The following FBXL17 variants were observed in gnomAD, a reference collection of about 807,000 sequenced individuals.
The protein encoded by FBXL17 is F-box/LRR-repeat protein 17.
In FBXL17, 22 loss-of-function variants were observed where a neutral mutation model predicts 66.2. That is an observed-to-expected ratio of 0.33 (90% CI 0.24 to 0.47). FBXL17 has a LOEUF of 0.47. Among genes scored for constraint, FBXL17 ranks in the 20% least tolerant of loss-of-function variants. The pLI is 1.00. For synonymous variants in FBXL17, 474 were observed against 400.5 expected (o/e 1.18, Z -2.19); for missense variants, 878 against 948.2 (o/e 0.93, Z 0.97).
chr5:108,378,852 T>G (rs1378352718), intron 1 of FBXL17, among the ~76,000 whole-genome samples: 1 of 152,122 alleles, frequency 6.6e-6, no homozygotes, highest in Admixed American at 6.5e-5. Context: ...AAAACTGGGG[T>G]TGGCAGACAC....
intron 7 of FBXL17, among the ~76,000 whole-genome samples, chr5:108,011,910 A>G (rs2112741567): frequency 6.6e-6 from 1 of 152,316 alleles, no homozygotes; most frequent in Non-Finnish European, 1.5e-5. Flanking sequence ...GGGTTAAGAA[A>G]GGAATTCAAG....
At chr5:108,226,523 C>T (rs1019718946) in intron 4 of FBXL17, among the ~76,000 whole-genome samples, 1 of 152,114 alleles carries the variant, frequency 6.6e-6, no homozygotes, top group African/African-American at 2.4e-5. Context: ...GGAGGAGGCA[C>T]ATTTTTACAC....
At chr5:108,028,631 T>A (rs1008727449) in intron 6 of FBXL17, among the ~76,000 whole-genome samples, 1 of 152,078 alleles carries the variant, frequency 6.6e-6, no homozygotes, top group Non-Finnish European at 1.5e-5. Flanking sequence ...AATACTAGTT[T>A]TGTGCTACAG....
chr5:108,198,041 T>A (rs918119059), intron 5 of FBXL17, among the ~76,000 whole-genome samples: 1 of 152,124 alleles, frequency 6.6e-6, no homozygotes, highest in Admixed American at 6.6e-5. Flanking sequence ...ATGATAACCA[T>A]CAGCTGAGCC....
At chr5:108,025,490 T>C (rs1174494942) in intron 6 of FBXL17, among the ~76,000 whole-genome samples, 2 of 152,100 alleles carry the variant, frequency 1.3e-5, no homozygotes, top group Admixed American at 6.6e-5. Flanking sequence ...ATCTGGGAGC[T>C]AGGTATGTTT....
At position 108,380,891 on chromosome 5, in the gene FBXL17, G is replaced by A; in HGVS notation, c.801C>T (p.Ser267=). 1.6e-6 allele frequency: 2 copies of A among 1,237,688 alleles called. No individual in the cohort carries two copies. Among genetic ancestry groups the A allele is most frequent in the Non-Finnish European group, 2.0e-6 (2 of 985,848 alleles). The allele number at this position is 1,237,688 out of a possible 1,614,324, so 76.7% of individuals were successfully genotyped here. ...CGCCAGCTTCGGTGGGGGCACCTTCGGAGGTGGGAGAAGAGGGCGGAGGGC... is the reference window on the plus strand; with the variant it reads ...CGCCAGCTTCGGTGGGGGCACCTTCAGAGGTGGGAGAAGAGGGCGGAGGGC... The part of the protein sequence containing the change: ...PLCPPPSSPT[S]EGAPTEAGGD... The change falls in exon 1 of 9, where the codon TCC becomes TCT. Residue 267 remains serine (S), a synonymous_variant. Transcript: ENST00000542267.
chr5:107,987,391 A>G (rs778015398), intron 7 of FBXL17, among the ~76,000 whole-genome samples: 14 of 152,010 alleles, frequency 9.2e-5, no homozygotes, highest in Non-Finnish European at 1.9e-4. Context: ...CCTGGTGCTA[A>G]AGCCGATCTT....
At chr5:108,357,736 T>A (rs1380157905) in intron 3 of FBXL17, among the ~76,000 whole-genome samples, 1 of 151,826 alleles carries the variant, frequency 6.6e-6, no homozygotes, top group Admixed American at 6.6e-5. Context: ...TTTTTTTAAA[T>A]TATACTTTAA....
chr5:107,941,958 G>A (rs1411110607), intron 7 of FBXL17, among the ~76,000 whole-genome samples: 3 of 152,114 alleles, frequency 2.0e-5, no homozygotes, highest in Non-Finnish European at 4.4e-5. Context: ...TTGGCCTGTG[G>A]AGATTCTGAC....
chr5:107,903,448 C>T (rs1049186882), intron 7 of FBXL17, among the ~76,000 whole-genome samples: 1 of 152,048 alleles, frequency 6.6e-6, no homozygotes, highest in African/African-American at 2.4e-5. Context: ...TTTTTATAGT[C>T]CAAACATCAG....
intron 7 of FBXL17, among the ~76,000 whole-genome samples, chr5:107,935,830 G>A (rs1349753550): frequency 6.6e-6 from 1 of 152,086 alleles, no homozygotes; most frequent in African/African-American, 2.4e-5. Context: ...CAATGGAGGG[G>A]AAGCAAAGAT....
chr5:108,313,173 T>TA (rs2150202626), intron 4 of FBXL17, among the ~76,000 whole-genome samples: 1 of 152,240 alleles, frequency 6.6e-6, no homozygotes, highest in Admixed American at 6.5e-5. Context: ...ATTCATCTAA[T>TA]ACAGGTTTCT....
chr5:107,967,934 C>A (rs1752216553), intron 7 of FBXL17, among the ~76,000 whole-genome samples: 1 of 152,006 alleles, frequency 6.6e-6, no homozygotes, highest in Admixed American at 6.6e-5. Flanking sequence ...CAATGATAAA[C>A]TGGCTTTAAC....
intron 5 of FBXL17, among the ~76,000 whole-genome samples, chr5:108,191,957 T>C (rs990399545): frequency 6.6e-6 from 1 of 152,204 alleles, no homozygotes; most frequent in Non-Finnish European, 1.5e-5. Flanking sequence ...TATAACCACT[T>C]TGGCCAACTC....
chr5:108,291,053 A>G (rs1033096528), intron 4 of FBXL17, among the ~76,000 whole-genome samples: 4 of 152,178 alleles, frequency 2.6e-5, no homozygotes, highest in Non-Finnish European at 4.4e-5. Flanking sequence ...TTGTCCTGGA[A>G]AGAACATAGC....
chr5:108,007,851 G>T (rs1450734697), intron 7 of FBXL17, among the ~76,000 whole-genome samples: 2 of 152,160 alleles, frequency 1.3e-5, no homozygotes, highest in African/African-American at 4.8e-5. Context: ...GCGTCATCAG[G>T]TTTGTGCTGT....
intron 1 of FBXL17, among the ~76,000 whole-genome samples, chr5:108,374,095 G>A (rs781662814): frequency 7.2e-5 from 11 of 152,116 alleles, no homozygotes; most frequent in South Asian, 2.1e-4. Context: ...AAAGAGTTCC[G>A]CATTAATGCT....
intron 4 of FBXL17, among the ~76,000 whole-genome samples, chr5:108,337,444 G>A (rs562679511): frequency 9.2e-5 from 14 of 152,036 alleles, no homozygotes; most frequent in South Asian, 6.2e-4. Flanking sequence ...TTTCTTTAAC[G>A]TGTATGCAAA....
rs1018303569 is a variant in FBXL17, at chr5:108,044,362, TTCTG to T, written c.1746-23365_1746-23362del. ...TCAAGTTGAGAAAGTTCCTGTCTGT[TTCTG>T]TCTTTCTGCAAGTAATTTTTATTAT... On this transcript the variant is annotated intron_variant, in intron 6 of 8. Transcript: ENST00000542267. Among the ~76,000 whole-genome samples the T allele has an allele frequency of 6.6e-5, 10 of 152,210 alleles. 1 individual carries two copies. Among genetic ancestry groups the T allele is most frequent in the African/African-American group, 1.2e-4 (5 of 41,454 alleles).
Sources: gnomAD v4.1 joint callset for allele counts (sites outside exome capture counted in the v4.1 genomes callset) on GRCh38, gnomAD v4.1.1 for gene constraint, MANE v1.5 for transcripts, NCBI Gene and HGNC (gene_info 2026-07-23, HGNC 2026-07-21) for gene names.